Variants in JMJD1C observed in about 807,000 individuals in gnomAD.
The protein encoded by JMJD1C is jumonji domain-containing protein 1C.
JMJD1C carries 31 observed loss-of-function variants against 245.3 expected under a neutral mutation model. The ratio of observed to expected loss-of-function variants is 0.13; its 90% confidence interval spans 0.09 to 0.17. The LOEUF is 0.17. Among genes scored for constraint, JMJD1C ranks in the 10% least tolerant of loss-of-function variants. JMJD1C has a pLI of 1.00. For missense variants in JMJD1C, 2,691 were observed against 3,000.2 expected (o/e 0.90, Z 2.41); for synonymous variants, 1,057 against 1,017.4 (o/e 1.04, Z -0.74).
At chr10:63,227,952 G>C (rs1849503854) in intron 3 of JMJD1C, among the ~76,000 whole-genome samples, 1 of 152,120 alleles carries the variant, frequency 6.6e-6, no homozygotes. Flanking sequence ...AATCCATTTT[G>C]CTAATAAGGA....
intron 2 of JMJD1C, among the ~76,000 whole-genome samples, chr10:63,366,803 C>A (rs747759272): frequency 2.6e-5 from 4 of 152,154 alleles, no homozygotes; most frequent in African/African-American, 4.8e-5. Flanking sequence ...TCCTGGGTGC[C>A]TGGGTCACTG....
At chr10:63,356,686 T>C (rs1179207219) in intron 2 of JMJD1C, among the ~76,000 whole-genome samples, 2 of 152,166 alleles carry the variant, frequency 1.3e-5, no homozygotes, top group African/African-American at 2.4e-5. Flanking sequence ...ACACTTTTGG[T>C]AAATATTTAT....
chr10:63,328,366 A>G (rs544124698), intron 2 of JMJD1C, among the ~76,000 whole-genome samples: 3 of 152,314 alleles, frequency 2.0e-5, no homozygotes, highest in South Asian at 2.1e-4. Context: ...GGATTAGGGG[A>G]AAAAGCTGGC....
At chr10:63,458,881 G>A (rs1057163061) in intron 1 of JMJD1C, among the ~76,000 whole-genome samples, 2 of 152,012 alleles carry the variant, frequency 1.3e-5, no homozygotes, top group African/African-American at 4.8e-5. Context: ...ACACCACCAC[G>A]CCTGGCTACT....
At chr10:63,452,543 T>C (rs1426047090) in intron 1 of JMJD1C, among the ~76,000 whole-genome samples, 1 of 152,150 alleles carries the variant, frequency 6.6e-6, no homozygotes. Flanking sequence ...TCACAAAACA[T>C]AAAATTACCA....
intron 2 of JMJD1C, among the ~76,000 whole-genome samples, chr10:63,292,297 C>T (rs1344233477): frequency 8.6e-5 from 13 of 151,674 alleles, no homozygotes; most frequent in Admixed American, 8.6e-4. Context: ...AATTTCACTC[C>T]CACAGGCTTG....
intron 14 of JMJD1C, among the ~76,000 whole-genome samples, chr10:63,193,976 T>A (rs1845155967): frequency 6.6e-6 from 1 of 152,232 alleles, no homozygotes; most frequent in African/African-American, 2.4e-5. Context: ...AAATTTATGT[T>A]CTCTATTCTT....
At chr10:63,441,786 A>C (rs1951404097) in intron 1 of JMJD1C, among the ~76,000 whole-genome samples, 1 of 151,914 alleles carries the variant, frequency 6.6e-6, no homozygotes, top group Non-Finnish European at 1.5e-5. Flanking sequence ...CTTTGTTTTT[A>C]TTCTCATTAT....
At chr10:63,396,884 T>G (rs1376458933) in intron 1 of JMJD1C, among the ~76,000 whole-genome samples, 2 of 151,208 alleles carry the variant, frequency 1.3e-5, no homozygotes, top group Admixed American at 1.3e-4. Context: ...TTTTCATTTT[T>G]TATACCTTCA....
intron 2 of JMJD1C, among the ~76,000 whole-genome samples, chr10:63,270,957 G>T (rs1856224067): frequency 6.6e-6 from 1 of 152,102 alleles, no homozygotes; most frequent in South Asian, 2.1e-4. Context: ...GCGAAAATTT[G>T]TAAGTTTCTG....
At chr10:63,304,296 G>A (rs1038028916) in intron 2 of JMJD1C, among the ~76,000 whole-genome samples, 7 of 152,072 alleles carry the variant, frequency 4.6e-5, no homozygotes, top group Admixed American at 6.6e-5. Context: ...ATATCAGAAC[G>A]CGTTGGTAAC....
intron 1 of JMJD1C, among the ~76,000 whole-genome samples, chr10:63,511,101 T>C (rs1186196303): frequency 2.6e-5 from 4 of 152,222 alleles, no homozygotes; most frequent in East Asian, 1.9e-4. Flanking sequence ...TAACATATAG[T>C]TGGGTCTTGC....
At chr10:63,362,201 C>A (rs1945428991) in intron 2 of JMJD1C, among the ~76,000 whole-genome samples, 1 of 149,420 alleles carries the variant, frequency 6.7e-6, no homozygotes. Context: ...TGACACTGCA[C>A]TCCAGCACGC....
intron 1 of JMJD1C, among the ~76,000 whole-genome samples, chr10:63,386,458 CACAA>C (rs1175146134): frequency 1.3e-5 from 2 of 152,210 alleles, no homozygotes; most frequent in Non-Finnish European, 2.9e-5. Context: ...CCAGTGCCTG[CACAA>C]ACAATCAGGG....
intron 13 of JMJD1C, 54 bp downstream of exon 13, chr10:63,197,357 G>T: frequency 7.0e-7 from 1 of 1,419,152 alleles, no homozygotes; most frequent in South Asian, 1.3e-5. Flanking sequence ...CTAGAAGAGT[G>T]ATCCTAAAGA....
At chr10:63,172,333 C>A (rs1001666102) in intron 24 of JMJD1C, among the ~76,000 whole-genome samples, 2 of 152,114 alleles carry the variant, frequency 1.3e-5, no homozygotes, top group Non-Finnish European at 2.9e-5. Context: ...AGAGAAAGCA[C>A]ATATAGGAAG....
chr10:63,357,345 G>A (rs1194571688), intron 2 of JMJD1C, among the ~76,000 whole-genome samples: 1 of 150,478 alleles, frequency 6.6e-6, no homozygotes, highest in Non-Finnish European at 1.5e-5. Context: ...TCGCTCTGTT[G>A]CCCAGGCTGG....
At chr10:63,238,212 G>A (rs890536691) in intron 3 of JMJD1C, among the ~76,000 whole-genome samples, 1 of 141,380 alleles carries the variant, frequency 7.1e-6, no homozygotes, top group Non-Finnish European at 1.6e-5. Context: ...AAGGAAGGAA[G>A]CTATAACTAA....
chr10:63,455,575 T>C (rs1952357465), intron 1 of JMJD1C, among the ~76,000 whole-genome samples: 1 of 152,210 alleles, frequency 6.6e-6, no homozygotes, highest in South Asian at 2.1e-4. Flanking sequence ...TCATTTGCTA[T>C]TTCCCTTGTA....
Sources: gnomAD v4.1 joint callset for allele counts (sites outside exome capture counted in the v4.1 genomes callset) on GRCh38, gnomAD v4.1.1 for gene constraint, MANE v1.5 for transcripts, NCBI Gene and HGNC (gene_info 2026-07-23, HGNC 2026-07-21) for gene names.